The following LMOD1 variants were observed in gnomAD, a reference collection of about 807,000 sequenced individuals.
LMOD1 encodes the protein leiomodin 1, also known as leiomodin-1.
LMOD1 carries 8 observed loss-of-function variants against 36.5 expected under a neutral mutation model. The observed-to-expected ratio is 0.22, with a 90% CI of 0.13 to 0.40. The LOEUF (loss-of-function observed/expected upper bound fraction) is 0.40, where lower values mean the gene tolerates loss of function less well. Among genes scored for constraint, LMOD1 ranks in the 10% least tolerant of loss-of-function variants. LMOD1 has a pLI of 1.00. For synonymous variants in LMOD1, 284 were observed against 288.7 expected (o/e 0.98, Z 0.17); for missense variants, 630 against 751.1 (o/e 0.84, Z 1.88).
At chr1:201,914,397 A>G (rs1021520301) in intron 1 of LMOD1, among the ~76,000 whole-genome samples, 1 of 152,220 alleles carries the variant, frequency 6.6e-6, no homozygotes, top group Middle Eastern at 3.4e-3. Context: ...TGCCTTCCTC[A>G]TCTGTAAAAC....
At chr1:201,931,262 C>T (rs933883056) in intron 1 of LMOD1, among the ~76,000 whole-genome samples, 2 of 152,130 alleles carry the variant, frequency 1.3e-5, no homozygotes, top group Non-Finnish European at 2.9e-5. Flanking sequence ...AGGCCGGGTT[C>T]GGTGGCTCAC....
intron 1 of LMOD1, among the ~76,000 whole-genome samples, chr1:201,931,451 C>T (rs1448713556): frequency 1.3e-5 from 2 of 149,030 alleles, no homozygotes; most frequent in East Asian, 2.0e-4. Context: ...ATGAGAATCG[C>T]TTGACCCCAG....
chr1:201,901,397 G>A (rs1206887526), intron 1 of LMOD1, among the ~76,000 whole-genome samples: 1 of 149,964 alleles, frequency 6.7e-6, no homozygotes. Flanking sequence ...AGCTACTCGG[G>A]AGGCAGAGGC....
intron 1 of LMOD1, among the ~76,000 whole-genome samples, chr1:201,910,590 C>A (rs1681478400): frequency 6.7e-6 from 1 of 149,182 alleles, no homozygotes. Flanking sequence ...AGCCTGTATG[C>A]TTTTATCATC....
intron 1 of LMOD1, among the ~76,000 whole-genome samples, chr1:201,942,431 T>G (rs1231114388): frequency 6.6e-6 from 1 of 151,608 alleles, no homozygotes; most frequent in Non-Finnish European, 1.5e-5. Flanking sequence ...CAAATAGGAG[T>G]TGACCTGGAA....
At chr1:201,924,719 AAGAAAGAAAGAAAAG>A (rs1681798575) in intron 1 of LMOD1, among the ~76,000 whole-genome samples, 1 of 79,792 alleles carries the variant, frequency 1.3e-5, no homozygotes, top group African/African-American at 3.4e-5. Context: ...GAAAGAAAGA[AAGAAAGAAAGAAAAG>A]AAAGAAATAG....
At chr1:201,940,437 G>A (rs1359681392) in intron 1 of LMOD1, among the ~76,000 whole-genome samples, 2 of 151,600 alleles carry the variant, frequency 1.3e-5, no homozygotes, top group South Asian at 2.1e-4. Context: ...CACCCGCCTC[G>A]GCCTCCCCAA....
At chr1:201,932,465 C>T (rs1036721985) in intron 1 of LMOD1, among the ~76,000 whole-genome samples, 10 of 151,790 alleles carry the variant, frequency 6.6e-5, no homozygotes, top group African/African-American at 2.4e-4. Context: ...CCATTAGAAA[C>T]GATGGGCCGG....
At chr1:201,912,153 T>C (rs542883376) in intron 1 of LMOD1, among the ~76,000 whole-genome samples, 2 of 152,006 alleles carry the variant, frequency 1.3e-5, no homozygotes, top group East Asian at 3.9e-4. Flanking sequence ...GAAGGAGGAG[T>C]GGAAGTTTGG....
chr1:201,933,009 ATTG>A (rs1332307816), intron 1 of LMOD1, among the ~76,000 whole-genome samples: 1 of 152,232 alleles, frequency 6.6e-6, no homozygotes, highest in Admixed American at 6.5e-5. Flanking sequence ...TCATAACAGC[ATTG>A]TTTGTAATAG....
At chr1:201,901,769 T>A (rs1393247382) in intron 1 of LMOD1, among the ~76,000 whole-genome samples, 3 of 145,596 alleles carry the variant, frequency 2.1e-5, no homozygotes, top group Non-Finnish European at 4.5e-5. Flanking sequence ...GTGCCCAAGG[T>A]GAGTGCCTCA....
At chr1:201,901,526 A>G (rs1463586855) in intron 1 of LMOD1, among the ~76,000 whole-genome samples, 26 of 35,834 alleles carry the variant, frequency 7.3e-4, no homozygotes, top group African/African-American at 2.6e-3. Context: ...ATATATATAT[A>G]TATGTATATA....
intron 1 of LMOD1, among the ~76,000 whole-genome samples, chr1:201,937,311 G>A (rs1404150610): frequency 6.6e-6 from 1 of 151,936 alleles, no homozygotes; most frequent in African/African-American, 2.4e-5. Context: ...TCTGGGCGCG[G>A]TGGGACACAC....
chr1:201,946,002 G>A, intron 1 of LMOD1, 78 bp downstream of exon 1: 2 of 1,418,062 alleles, frequency 1.4e-6, no homozygotes, highest in Non-Finnish European at 1.9e-6. Context: ...TCTAAGGAAG[G>A]AAGCATCCTA....
chr1:201,938,424 C>T (rs902935214), intron 1 of LMOD1, among the ~76,000 whole-genome samples: 3 of 152,164 alleles, frequency 2.0e-5, no homozygotes, highest in East Asian at 3.8e-4. Context: ...ACACCGCGCC[C>T]GGCCGTAATT....
chr1:201,927,977 A>T (rs1335936582), intron 1 of LMOD1, among the ~76,000 whole-genome samples: 1 of 152,196 alleles, frequency 6.6e-6, no homozygotes, highest in Non-Finnish European at 1.5e-5. Context: ...TCATGGGGGC[A>T]CTGCTCTCAT....
At position 201,905,961 on chromosome 1, in the gene LMOD1, G is replaced by A. The variant is rs763608426; in HGVS notation, c.262-5210C>T. ...GCAAGACCGAGGTGATGGCAGTTCC[G>A]ACGGTTTGATGCCACCCTTGCTACG... On this transcript the variant is annotated intron_variant, in intron 1 of 2. Coordinates refer to ENST00000367288, the MANE Select transcript of LMOD1 (RefSeq NM_012134.3). Among the ~76,000 whole-genome samples the A allele has an allele frequency of 4.3e-4, 65 of 152,206 alleles. 2 individuals are homozygous for A. The highest frequency in any genetic ancestry group is 2.1e-4 in the South Asian group (1 of 4,834).
intron 1 of LMOD1, among the ~76,000 whole-genome samples, chr1:201,942,334 T>C (rs776334975): frequency 1.3e-5 from 2 of 152,196 alleles, no homozygotes; most frequent in African/African-American, 2.4e-5. Context: ...TGGTACAGAC[T>C]GGTATTGGAG....
chr1:201,944,502 T>C (rs1175055858), intron 1 of LMOD1, among the ~76,000 whole-genome samples: 1 of 152,150 alleles, frequency 6.6e-6, no homozygotes, highest in Non-Finnish European at 1.5e-5. Flanking sequence ...TTTGGCTGCA[T>C]TTCATTTCTT....
Sources: allele counts gnomAD v4.1 joint callset (sites outside exome capture counted in the v4.1 genomes callset), GRCh38; gene constraint gnomAD v4.1.1; transcripts MANE v1.5; gene names NCBI Gene and HGNC (gene_info 2026-07-23, HGNC 2026-07-21).